The following KCNJ16 variants were observed in gnomAD, a reference collection of about 807,000 sequenced individuals.
KCNJ16 encodes the protein potassium inwardly rectifying channel subfamily J member 16, also known as inward rectifier potassium channel 16.
In KCNJ16, 15 loss-of-function variants were observed where a neutral mutation model predicts 18.5. The ratio of observed to expected loss-of-function variants is 0.81; its 90% confidence interval spans 0.54 to 1.25. The LOEUF (loss-of-function observed/expected upper bound fraction) is 1.25, where lower values mean the gene tolerates loss of function less well. KCNJ16 is among the 50% of genes most tolerant of loss of function. KCNJ16 has a pLI of 0.00. For synonymous variants in KCNJ16, 174 were observed against 186.5 expected (o/e 0.93, Z 0.55); for missense variants, 523 against 525.7 (o/e 0.99, Z 0.05).
In KCNJ16 at chr17:70,134,985, C is replaced by A. The variant is rs565823458; in HGVS notation, c.*1641C>A. The A allele has an allele frequency of 1.3e-5, 2 of 158,502 alleles. No homozygotes were observed. The highest frequency in any genetic ancestry group is 2.2e-4 in the South Asian group (1 of 4,618). The allele number at this position is 158,502 out of a possible 1,614,324, so 9.8% of individuals were successfully genotyped here. On this transcript the variant is annotated 3_prime_UTR_variant, in exon 4 of 4. Coordinates refer to ENST00000392671, the MANE Select transcript of KCNJ16 (RefSeq NM_170741.4). ...CCTTTCTTCCCTCCTCCCCCTCATC[C>A]TTCCCTTTCTCCTTCTTTTCCCTTT...
chr17:70,089,919 G>C (rs1266703220), intron 1 of KCNJ16, among the ~76,000 whole-genome samples: 1 of 152,224 alleles, frequency 6.6e-6, no homozygotes, highest in Non-Finnish European at 1.5e-5. Context: ...GCAGGTCTAA[G>C]TTTAAATTAT....
At chr17:70,102,425 A>G (rs572986769) in intron 2 of KCNJ16, among the ~76,000 whole-genome samples, 42 of 151,508 alleles carry the variant, frequency 2.8e-4, no homozygotes, top group African/African-American at 9.7e-4. Context: ...ACGGGGTTTC[A>G]CCATATTGGC....
intron 2 of KCNJ16, chr17:70,101,075 C>A (rs1236016310): frequency 6.6e-6 from 1 of 152,190 alleles, no homozygotes; most frequent in Non-Finnish European, 1.5e-5. Flanking sequence ...AAGAATAAAA[C>A]TTGTCTACTT....
At chr17:70,102,386 C>T (rs1173227860) in intron 2 of KCNJ16, among the ~76,000 whole-genome samples, 2 of 151,574 alleles carry the variant, frequency 1.3e-5, no homozygotes, top group Non-Finnish European at 2.9e-5. Flanking sequence ...CGCCACCACG[C>T]CTGGCTAATT....
intron 2 of KCNJ16, among the ~76,000 whole-genome samples, chr17:70,103,363 C>A (rs1477342043): frequency 7.3e-6 from 1 of 136,136 alleles, no homozygotes; most frequent in African/African-American, 2.7e-5. Flanking sequence ...GACAGCGTCT[C>A]ACTATTTTGC....
At chr17:70,123,953 T>G (rs1302057408) in intron 2 of KCNJ16, among the ~76,000 whole-genome samples, 1 of 152,202 alleles carries the variant, frequency 6.6e-6, no homozygotes, top group Non-Finnish European at 1.5e-5. Flanking sequence ...CATTCAATGA[T>G]AAAATGCAGA....
At chr17:70,130,389 C>A (rs974544189) in intron 2 of KCNJ16, among the ~76,000 whole-genome samples, 1 of 152,090 alleles carries the variant, frequency 6.6e-6, no homozygotes, top group Non-Finnish European at 1.5e-5. Flanking sequence ...GAAGTGCTGA[C>A]AAACGAGAGG....
chr17:70,119,843 G>GT (rs1222426258), intron 2 of KCNJ16, among the ~76,000 whole-genome samples: 1 of 151,356 alleles, frequency 6.6e-6, no homozygotes, highest in East Asian at 1.9e-4. Context: ...CTCCCTTTTA[G>GT]TTATGCACAT....
intron 2 of KCNJ16, among the ~76,000 whole-genome samples, chr17:70,117,411 C>G (rs1315826941): frequency 6.6e-6 from 1 of 151,850 alleles, no homozygotes; most frequent in African/African-American, 2.4e-5. Context: ...CACAATATAC[C>G]TGAATAACAA....
chr17:70,105,520 A>G (rs2072883621), intron 2 of KCNJ16, among the ~76,000 whole-genome samples: 1 of 152,188 alleles, frequency 6.6e-6, no homozygotes, highest in African/African-American at 2.4e-5. Flanking sequence ...AGCATCGCAA[A>G]TTTGAAACTG....
chr17:70,109,749 G>A (rs2073101672), intron 2 of KCNJ16, among the ~76,000 whole-genome samples: 1 of 152,128 alleles, frequency 6.6e-6, no homozygotes, highest in African/African-American at 2.4e-5. Flanking sequence ...TTAGAAGTCT[G>A]GCCACTACAT....
chr17:70,133,470 T>A lies in KCNJ16; in HGVS notation c.*126T>A. On this transcript the variant is annotated 3_prime_UTR_variant, in exon 4 of 4. Coordinates refer to ENST00000392671, the MANE Select transcript of KCNJ16 (RefSeq NM_170741.4). ...TTATGATGATGCTGGGTAAGTAGAGTAAGTTAAACTTGGTAAAAGATAATC... is the reference window on the plus strand; with the variant it reads ...TTATGATGATGCTGGGTAAGTAGAGAAAGTTAAACTTGGTAAAAGATAATC... 1.4e-6 allele frequency: 1 copy of A among 720,260 alleles called. No individual in the cohort carries two copies. The highest frequency in any genetic ancestry group is 2.2e-6 in the Non-Finnish European group (1 of 446,990). The allele number at this position is 720,260 out of a possible 1,614,324, so 44.6% of individuals were successfully genotyped here. A position where few individuals can be genotyped will look rare whatever the true frequency, so the allele number is the denominator to read the frequency against.
chr17:70,120,461 G>C (rs150064440), intron 2 of KCNJ16, among the ~76,000 whole-genome samples: 143 of 152,258 alleles, frequency 9.4e-4, no homozygotes, highest in South Asian at 2.1e-3. Context: ...AAATACCTGA[G>C]ACTGGGTAAT....
chr17:70,113,849 G>A (rs2073292060), intron 2 of KCNJ16, among the ~76,000 whole-genome samples: 1 of 151,966 alleles, frequency 6.6e-6, no homozygotes, highest in African/African-American at 2.4e-5. Context: ...AAAAAAACAT[G>A]GAAATTCAAG....
intron 1 of KCNJ16, among the ~76,000 whole-genome samples, chr17:70,094,971 T>C (rs1210701966): frequency 3.9e-5 from 6 of 152,162 alleles, no homozygotes; most frequent in African/African-American, 1.4e-4. Context: ...TCAATTATAA[T>C]TAAATCAATC....
At chr17:70,087,024 G>C (rs959904495) in intron 1 of KCNJ16, among the ~76,000 whole-genome samples, 2 of 150,990 alleles carry the variant, frequency 1.3e-5, no homozygotes, top group African/African-American at 4.9e-5. Context: ...TCAGCCCCCC[G>C]AGTAGCTGGG....
At chr17:70,114,670 T>C (rs1471414146) in intron 2 of KCNJ16, among the ~76,000 whole-genome samples, 2 of 152,134 alleles carry the variant, frequency 1.3e-5, no homozygotes, top group African/African-American at 4.8e-5. Flanking sequence ...TCTGGGCAGT[T>C]CTATCATGTC....
intron 1 of KCNJ16, among the ~76,000 whole-genome samples, chr17:70,075,656 C>T (rs2071273949): frequency 6.6e-6 from 1 of 152,086 alleles, no homozygotes; most frequent in South Asian, 2.1e-4. Flanking sequence ...CAGCCCTTGC[C>T]TGCTATTATA....
intron 2 of KCNJ16, among the ~76,000 whole-genome samples, chr17:70,111,120 A>G (rs1417648575): frequency 6.6e-6 from 1 of 152,214 alleles, no homozygotes. Context: ...TTCAAGCTGT[A>G]TACAAAAGAT....
Sources: gnomAD v4.1 joint callset for allele counts (sites outside exome capture counted in the v4.1 genomes callset) on GRCh38, gnomAD v4.1.1 for gene constraint, MANE v1.5 for transcripts, NCBI Gene and HGNC (gene_info 2026-07-23, HGNC 2026-07-21) for gene names.